TBC1D22A: variants seen among roughly 807,000 people sequenced by gnomAD.
The protein encoded by TBC1D22A is putative GTPase activator.
Under a neutral mutation model 60.2 loss-of-function variants are expected in TBC1D22A, and 38 were observed. The ratio of observed to expected loss-of-function variants is 0.63; its 90% CI spans 0.49 to 0.83. TBC1D22A has a LOEUF of 0.83. TBC1D22A is among the 40% of genes least tolerant of loss of function. The pLI is 0.00. For synonymous variants in TBC1D22A, 302 were observed against 281.7 expected, an observed-to-expected ratio of 1.07 and a Z score of -0.72; for missense variants, 628 against 701.0, an observed-to-expected ratio of 0.90 and a Z score of 1.18.
At chr22:46,911,391 C>T (rs1475944) in intron 7 of TBC1D22A, among the ~76,000 whole-genome samples, 116,785 of 151,814 alleles carry the variant, frequency 0.77, 45,134 homozygotes, top group Middle Eastern at 0.85. Context: ...AGAGCATCCA[C>T]CCACCCACCT....
chr22:47,165,401 C>T (rs1456522226), intron 12 of TBC1D22A, among the ~76,000 whole-genome samples: 1 of 152,226 alleles, frequency 6.6e-6, no homozygotes. Flanking sequence ...TTTGCACCAG[C>T]ACGGGTATCG....
At chr22:47,148,969 G>A (rs1291780019) in intron 12 of TBC1D22A, among the ~76,000 whole-genome samples, 1 of 152,140 alleles carries the variant, frequency 6.6e-6, no homozygotes, top group Non-Finnish European at 1.5e-5. Flanking sequence ...CCTTCATGCC[G>A]GTTCTAGGGG....
intron 4 of TBC1D22A, among the ~76,000 whole-genome samples, chr22:46,799,654 C>T (rs1412215071): frequency 1.3e-5 from 2 of 152,228 alleles, no homozygotes; most frequent in Non-Finnish European, 2.9e-5. Context: ...ACTAACCTGG[C>T]GCAGCAGCTT....
intron 8 of TBC1D22A, among the ~76,000 whole-genome samples, chr22:46,937,467 C>T (rs1255730344): frequency 1.3e-5 from 2 of 152,208 alleles, no homozygotes; most frequent in Admixed American, 1.3e-4. Flanking sequence ...AAACCTACTG[C>T]ACTGCCGGTC....
At chr22:47,092,544 G>T (rs961897433) in intron 11 of TBC1D22A, among the ~76,000 whole-genome samples, 2 of 152,206 alleles carry the variant, frequency 1.3e-5, no homozygotes, top group Non-Finnish European at 2.9e-5. Context: ...GCTGCACACT[G>T]GTGTGCACAG....
At chr22:47,027,766 G>A (rs1365629159) in intron 10 of TBC1D22A, among the ~76,000 whole-genome samples, 2 of 152,216 alleles carry the variant, frequency 1.3e-5, no homozygotes, top group African/African-American at 4.8e-5. Flanking sequence ...ATTAGAATCT[G>A]TTTTTCAGAT....
chr22:47,111,375 A>T, intron 11 of TBC1D22A, 133 bp from the exon 12 acceptor site: 1 of 715,560 alleles, frequency 1.4e-6, no homozygotes, highest in East Asian at 2.7e-5. Context: ...GCATTAAGTA[A>T]AAGTGAGTCA....
rs1437190248 is a variant in TBC1D22A, at chr22:47,028,506, G to A, written c.1202-8565G>A. Among the ~76,000 whole-genome samples the A allele has an allele frequency of 1.4e-5, 2 of 140,094 alleles. No individual in the cohort carries two copies. Among genetic ancestry groups the A allele is most frequent in the Admixed American group, 1.4e-4 (2 of 14,136 alleles). The allele number at this position is 140,094 out of a possible 152,430, so 91.9% of individuals were successfully genotyped here. On this transcript the variant is annotated intron_variant, in intron 10 of 12. Transcript: ENST00000337137. This position sits in a 1 kb window ranked among gnomAD's most constrained non-coding sequence, Gnocchi z 4.4. ...GCGAGTGGTCGCATTCCTGTCCCTC[G>A]GTCCCTGTCCCCCACGGCCCAGGTT...
chr22:46,964,943 C>T lies in TBC1D22A; in HGVS notation c.1016-9347C>T, dbSNP rs561592251. Among the ~76,000 whole-genome samples the T allele has an allele frequency of 6.6e-5, 10 of 152,314 alleles. No individual in the cohort carries two copies. In the South Asian group the frequency reaches 1.9e-3, roughly 28 times the overall value. On this transcript the variant is annotated intron_variant, in intron 8 of 12. Transcript: ENST00000337137. ...GCTGCACGCCCGTTCTTGCTCTGAG[C>T]GGTGGGGTTCCCAGCTGGGATGTAA...
At chr22:46,974,061 T>C (rs1429663596) in intron 8 of TBC1D22A, among the ~76,000 whole-genome samples, 1 of 152,236 alleles carries the variant, frequency 6.6e-6, no homozygotes, top group East Asian at 1.9e-4. Context: ...ATTATGTTAA[T>C]TAATTGGAGA....
intron 9 of TBC1D22A, among the ~76,000 whole-genome samples, chr22:46,984,787 T>G (rs113165135): frequency 1.3e-5 from 2 of 152,308 alleles, no homozygotes; most frequent in African/African-American, 4.8e-5. Context: ...GCGTCATGAC[T>G]CCTTTAGAGA....
chr22:46,968,237 C>T lies in TBC1D22A; in HGVS notation c.1016-6053C>T, dbSNP rs113636231. Among the ~76,000 whole-genome samples the T allele has an allele frequency of 2.9e-3, 446 of 152,108 alleles. 1 individual carries two copies. Among genetic ancestry groups the T allele is most frequent in the African/African-American group, 0.01 (420 of 41,522 alleles). ...CTGAGTCAGAGGCCTCCATGCTGTGCGGGGTCCTGCTGTGAACCCGATGAA... is the reference window on the plus strand; with the variant it reads ...CTGAGTCAGAGGCCTCCATGCTGTGTGGGGTCCTGCTGTGAACCCGATGAA... On this transcript the variant is annotated intron_variant, in intron 8 of 12. Transcript: ENST00000337137.
intron 4 of TBC1D22A, among the ~76,000 whole-genome samples, chr22:46,858,039 C>T (rs750927058): frequency 2.4e-4 from 36 of 152,288 alleles, no homozygotes; most frequent in Non-Finnish European, 2.5e-4. Flanking sequence ...TGAGCATCGC[C>T]AGGAGCTGCC....
intron 12 of TBC1D22A, among the ~76,000 whole-genome samples, chr22:47,127,640 A>G (rs529822580): frequency 6.6e-6 from 1 of 151,992 alleles, no homozygotes; most frequent in South Asian, 2.1e-4. Flanking sequence ...GCCGTCGGGG[A>G]AGGCGGCCCC....
At chr22:46,977,973 C>T (rs146712372) in intron 9 of TBC1D22A, among the ~76,000 whole-genome samples, 1 of 152,244 alleles carries the variant, frequency 6.6e-6, no homozygotes, top group Non-Finnish European at 1.5e-5. Context: ...ACCGTATTAG[C>T]GGTATTGACC....
intron 1 of TBC1D22A, among the ~76,000 whole-genome samples, chr22:46,778,649 C>T (rs1167578360): frequency 2.0e-5 from 3 of 152,126 alleles, no homozygotes; most frequent in African/African-American, 7.2e-5. Flanking sequence ...TCTGGAATGC[C>T]TCCTGAAGGA....
At chr22:46,797,305 A>C (rs1319205262) in intron 3 of TBC1D22A, 139 bp from the exon 4 acceptor site, 1 of 909,984 alleles carries the variant, frequency 1.1e-6, no homozygotes, top group East Asian at 2.5e-5. Flanking sequence ...GTTATTGCTC[A>C]AGAAACCAAG....
intron 8 of TBC1D22A, among the ~76,000 whole-genome samples, chr22:46,939,404 A>T (rs891446884): frequency 1.3e-5 from 2 of 152,252 alleles, no homozygotes; most frequent in African/African-American, 4.8e-5. Context: ...ATTCAAAAGG[A>T]TGGGCTTTAT....
chr22:47,063,529 C>T (rs924585842), intron 11 of TBC1D22A, among the ~76,000 whole-genome samples: 3 of 152,054 alleles, frequency 2.0e-5, no homozygotes, highest in African/African-American at 4.8e-5. Flanking sequence ...CTACCAGCCT[C>T]GTGCCTGCTG....
Sources: allele counts gnomAD v4.1 joint callset (sites outside exome capture counted in the v4.1 genomes callset), GRCh38; gene constraint gnomAD v4.1.1; non-coding constraint Gnocchi (gnomAD v3.1); transcripts MANE v1.5; gene names NCBI Gene and HGNC (gene_info 2026-07-23, HGNC 2026-07-21).